Variants in ME3 observed in about 807,000 individuals in gnomAD.
The protein encoded by ME3 is malic enzyme 3.
Under a neutral mutation model 68.9 loss-of-function variants are expected in ME3, and 48 were observed. The ratio of observed to expected loss-of-function variants is 0.70; its 90% CI spans 0.55 to 0.89. The LOEUF (loss-of-function observed/expected upper bound fraction) is 0.89, where lower values mean the gene tolerates loss of function less well. Ranked by LOEUF, ME3 falls within the 40% of genes least tolerant of loss-of-function variation. ME3 has a pLI of 0.00. For synonymous variants in ME3, 320 were observed against 318.8 expected (o/e 1.00, Z -0.04); for missense variants, 675 against 797.4 (o/e 0.85, Z 1.85).
intron 7 of ME3, among the ~76,000 whole-genome samples, chr11:86,476,039 C>G (rs557814739): frequency 2.0e-5 from 3 of 152,076 alleles, no homozygotes; most frequent in Non-Finnish European, 4.4e-5. Context: ...ATAAAATCCT[C>G]ATTAACTTCC....
At chr11:86,489,789 A>T (rs1432651206) in intron 6 of ME3, among the ~76,000 whole-genome samples, 2 of 151,202 alleles carry the variant, frequency 1.3e-5, no homozygotes, top group Non-Finnish European at 3.0e-5. Context: ...TGAAGGCCCC[A>T]CTCACCCCCA....
intron 5 of ME3, among the ~76,000 whole-genome samples, chr11:86,506,750 T>C (rs541134534): frequency 3.9e-5 from 6 of 152,340 alleles, no homozygotes; most frequent in African/African-American, 1.4e-4. Context: ...TGTCCAAGTT[T>C]TCCCCATGGT....
At chr11:86,519,496 A>G (rs1365915771) in intron 4 of ME3, among the ~76,000 whole-genome samples, 1 of 152,240 alleles carries the variant, frequency 6.6e-6, no homozygotes, top group East Asian at 1.9e-4. Context: ...AGACATGTTC[A>G]TTTAGGCTTC....
chr11:86,655,584 T>C (rs1945808059), intron 2 of ME3, among the ~76,000 whole-genome samples: 2 of 152,134 alleles, frequency 1.3e-5, no homozygotes, highest in African/African-American at 2.4e-5. Context: ...TTATACCTTA[T>C]ACAAAAATTA....
At chr11:86,530,295 C>T (rs1456340801) in intron 4 of ME3, among the ~76,000 whole-genome samples, 8 of 152,160 alleles carry the variant, frequency 5.3e-5, no homozygotes, top group South Asian at 4.1e-4. Flanking sequence ...TTACAAGGGA[C>T]ATGAAGGACC....
At chr11:86,519,619 G>A (rs576083539) in intron 4 of ME3, among the ~76,000 whole-genome samples, 1 of 152,196 alleles carries the variant, frequency 6.6e-6, no homozygotes, top group Non-Finnish European at 1.5e-5. Context: ...TCTAACAAAG[G>A]CTCGCTGTTG....
intron 2 of ME3, among the ~76,000 whole-genome samples, chr11:86,660,170 TTC>T (rs1262508152): frequency 1.3e-5 from 2 of 152,210 alleles, no homozygotes; most frequent in African/African-American, 4.8e-5. Context: ...AGTCTGCCTG[TTC>T]TCTGACTCAC....
chr11:86,618,754 G>A (rs1405221887), intron 2 of ME3, among the ~76,000 whole-genome samples: 1 of 147,382 alleles, frequency 6.8e-6, no homozygotes, highest in Admixed American at 6.9e-5. Context: ...GTCTCACTCT[G>A]TCACCCAGGC....
exon 3 of ME3, chr11:86,559,732 C>G (rs763962263): frequency 1.2e-6 from 2 of 1,613,888 alleles, no homozygotes; most frequent in South Asian, 2.2e-5. Context: ...TCTCATGATT[C>G]GGAGGAGCTG....
At chr11:86,647,119 G>T (rs1192194261) in intron 2 of ME3, among the ~76,000 whole-genome samples, 1 of 152,176 alleles carries the variant, frequency 6.6e-6, no homozygotes, top group Non-Finnish European at 1.5e-5. Flanking sequence ...AAAGACGATT[G>T]ACACTGTGAA....
At chr11:86,532,114 T>TA (rs1454868112) in intron 4 of ME3, among the ~76,000 whole-genome samples, 17 of 151,998 alleles carry the variant, frequency 1.1e-4, no homozygotes, top group African/African-American at 3.9e-4. Context: ...TCAAAAACTG[T>TA]AAAAAAGAGA....
intron 13 of ME3, among the ~76,000 whole-genome samples, chr11:86,445,567 C>T (rs1280303713): frequency 6.6e-6 from 1 of 152,194 alleles, no homozygotes; most frequent in Non-Finnish European, 1.5e-5. Context: ...TTAGCTTAAC[C>T]TCTCAACAGA....
intron 6 of ME3, 47 bp downstream of exon 6, chr11:86,497,916 G>A: frequency 6.5e-7 from 1 of 1,537,066 alleles, no homozygotes; most frequent in Non-Finnish European, 8.8e-7. Context: ...CCCTGTCCCA[G>A]TTGCCACCTT....
chr11:86,495,515 A>G (rs1407870994), intron 6 of ME3, among the ~76,000 whole-genome samples: 1 of 152,234 alleles, frequency 6.6e-6, no homozygotes, highest in African/African-American at 2.4e-5. Flanking sequence ...GAAGGAATGA[A>G]GGTCTCAATT....
intron 4 of ME3, among the ~76,000 whole-genome samples, chr11:86,517,802 C>T (rs1044434410): frequency 6.6e-5 from 10 of 152,224 alleles, no homozygotes; most frequent in East Asian, 3.9e-4. Context: ...CAGGGCCTAG[C>T]GTAGCACCAG....
chr11:86,548,417 T>G (rs991534267), intron 4 of ME3, among the ~76,000 whole-genome samples: 3 of 152,142 alleles, frequency 2.0e-5, no homozygotes, highest in East Asian at 1.9e-4. Flanking sequence ...CCTTCCACCT[T>G]CCTAAGATCT....
At chr11:86,656,698 T>C (rs984652757) in intron 2 of ME3, among the ~76,000 whole-genome samples, 2 of 152,006 alleles carry the variant, frequency 1.3e-5, no homozygotes, top group African/African-American at 4.8e-5. Context: ...TGTATACATA[T>C]GTAACAAACC....
At chr11:86,497,294 T>C (rs1952407934) in intron 6 of ME3, among the ~76,000 whole-genome samples, 1 of 152,082 alleles carries the variant, frequency 6.6e-6, no homozygotes, top group South Asian at 2.1e-4. Flanking sequence ...CTCAATAATA[T>C]GCACTGATCT....
At chr11:86,608,953 T>C (rs1037216053) in intron 2 of ME3, among the ~76,000 whole-genome samples, 1 of 152,230 alleles carries the variant, frequency 6.6e-6, no homozygotes, top group Non-Finnish European at 1.5e-5. Flanking sequence ...ATCGTGATTA[T>C]AGCCACCAAT....
Sources: allele counts gnomAD v4.1 joint callset (sites outside exome capture counted in the v4.1 genomes callset), GRCh38; gene constraint gnomAD v4.1.1; transcripts MANE v1.5; gene names NCBI Gene and HGNC (gene_info 2026-07-23, HGNC 2026-07-21).